The following TTC7B variants were observed in gnomAD, a reference collection of about 807,000 sequenced individuals.
TTC7B encodes tetratricopeptide repeat protein 7B.
In TTC7B, 28 loss-of-function variants were observed where a neutral mutation model predicts 106.8. The ratio of observed to expected loss-of-function variants is 0.26; its 90% CI spans 0.19 to 0.36. TTC7B has a LOEUF of 0.36. Among genes scored for constraint, TTC7B ranks in the 10% least tolerant of loss-of-function variants. The pLI, the probability that TTC7B is intolerant of heterozygous loss-of-function variation, is 1.00. For synonymous variants in TTC7B, 405 were observed against 430.6 expected, an observed-to-expected ratio of 0.94 and a Z score of 0.74; for missense variants, 862 against 1,076.4, an observed-to-expected ratio of 0.80 and a Z score of 2.79.
At chr14:90,612,960 A>C (rs1595206709) in intron 16 of TTC7B, among the ~76,000 whole-genome samples, 1 of 152,316 alleles carries the variant, frequency 6.6e-6, no homozygotes, top group Admixed American at 6.5e-5. Context: ...CACAGGATCC[A>C]CGTTCCCTCC....
At chr14:90,541,713 C>A (rs915103531) in intron 19 of TTC7B, 124 bp from the exon 20 acceptor site, 1 of 707,552 alleles carries the variant, frequency 1.4e-6, no homozygotes, top group Non-Finnish European at 2.2e-6. Flanking sequence ...TTGGGCTGGG[C>A]CCATAGTAAG....
chr14:90,627,158 A>AT (rs1223800341), intron 15 of TTC7B, among the ~76,000 whole-genome samples: 2 of 151,762 alleles, frequency 1.3e-5, no homozygotes, highest in South Asian at 4.2e-4. Context: ...ATTAAAAAAA[A>AT]TTTTTTAGTA....
chr14:90,589,594 C>T (rs1169056932), intron 18 of TTC7B, among the ~76,000 whole-genome samples: 1 of 152,054 alleles, frequency 6.6e-6, no homozygotes, highest in Non-Finnish European at 1.5e-5. Flanking sequence ...TCCGTGGGTG[C>T]AGAACCTGAG....
chr14:90,645,062 T>G (rs1431531224), intron 14 of TTC7B: 1 of 152,186 alleles, frequency 6.6e-6, no homozygotes, highest in East Asian at 1.9e-4. Flanking sequence ...AACCCGAAGC[T>G]AGATTTCGAA....
chr14:90,786,381 G>A, intron 1 of TTC7B, 53 bp from the exon 2 acceptor site: 1 of 1,600,762 alleles, frequency 6.2e-7, no homozygotes, highest in Non-Finnish European at 8.5e-7. Context: ...CTGCATGTAG[G>A]ACCCCCTCAC....
At chr14:90,680,226 T>C (rs12147666) in intron 8 of TTC7B, among the ~76,000 whole-genome samples, 19,808 of 152,226 alleles carry the variant, frequency 0.13, 1,616 homozygotes, top group Middle Eastern at 0.21. Flanking sequence ...TGAACTAAGA[T>C]ACGTGCTTCA....
chr14:90,622,973 T>C (rs370057333), intron 15 of TTC7B, among the ~76,000 whole-genome samples: 2 of 152,236 alleles, frequency 1.3e-5, no homozygotes, highest in South Asian at 4.1e-4. Context: ...GCTTCCCCCA[T>C]GTGTCACTCT....
At chr14:90,593,310 G>A (rs1892045644) in intron 18 of TTC7B, among the ~76,000 whole-genome samples, 176 bp downstream of exon 18, 1 of 152,234 alleles carries the variant, frequency 6.6e-6, no homozygotes, top group African/African-American at 2.4e-5. Context: ...AGTCACTTGC[G>A]GTTTGTGCAA....
chr14:90,578,009 G>T lies in TTC7B; in HGVS notation c.2310+97C>A. The stretch of plus-strand genomic sequence containing the variant: ...GGCAAGCTAACTGCATGGGGCCTTT[G>T]GAAGCAGAAGAGGGTGTGAGGGTCA... On this transcript the variant is annotated intron_variant, in intron 19 of 19. Transcript: ENST00000328459. The surrounding 1 kb of genome is among the most constrained non-coding windows in gnomAD (Gnocchi z 4.7). 1 of 1,421,074 alleles carries T rather than the reference G, an allele frequency of 7.0e-7. No homozygotes were observed. Among genetic ancestry groups the T allele is most frequent in the Non-Finnish European group, 9.6e-7 (1 of 1,045,322 alleles). The allele number at this position is 1,421,074 out of a possible 1,614,324, so 88.0% of individuals were successfully genotyped here. A position where few individuals can be genotyped will look rare whatever the true frequency, so the allele number is the denominator to read the frequency against.
chr14:90,743,572 C>A lies in TTC7B; in HGVS notation c.576+1220G>T, dbSNP rs1889849475. Among the ~76,000 whole-genome samples the A allele has an allele frequency of 2.0e-5, 3 of 152,274 alleles. 1 individual carries two copies. In the South Asian group the frequency reaches 6.2e-4, roughly 32 times the overall value. ...GGTACATCTCTGGGTCTGAAGGGGTCAATAGCAGTGTCCTTGGTGAGAACT... is the reference window on the plus strand; with the variant it reads ...GGTACATCTCTGGGTCTGAAGGGGTAAATAGCAGTGTCCTTGGTGAGAACT... On this transcript the variant is annotated intron_variant, in intron 4 of 19. Coordinates refer to ENST00000328459, the MANE Select transcript of TTC7B (RefSeq NM_001010854.2).
Position 90,786,251 on chromosome 14 carries a change from T to C in TTC7B, c.199A>G (p.Ser67Gly). ...LKEHPLRQGA[S>G]PRGPKPQLTE... ...AGCTGGGGCTTGGGGCCTCGGGGAC[T>C]GGCCCCCTGCCTCAGGGGGTGTTCC... Residue 67 changes from serine to glycine, a missense_variant, in exon 2 of 20, where the codon AGT (serine) becomes GGT (glycine). Ser to Gly is a moderately conservative substitution (Grantham distance 56). Transcript: ENST00000328459. 6 of 1,611,526 alleles carry C rather than the reference T, an allele frequency of 3.7e-6. No homozygotes were observed. Among genetic ancestry groups the C allele is most frequent in the Non-Finnish European group, 5.1e-6 (6 of 1,178,826 alleles).
intron 12 of TTC7B, 94 bp downstream of exon 12, chr14:90,654,899 C>G: frequency 9.8e-7 from 1 of 1,023,284 alleles, no homozygotes; most frequent in Admixed American, 1.9e-5. Flanking sequence ...TCTGCACCCT[C>G]CTGAGACAGA....
chr14:90,585,288 C>T (rs1891666348), intron 18 of TTC7B, among the ~76,000 whole-genome samples: 1 of 152,188 alleles, frequency 6.6e-6, no homozygotes, highest in South Asian at 2.1e-4. Context: ...GCAGGATGAG[C>T]TCCTCCTCCC....
intron 17 of TTC7B, chr14:90,605,786 T>C: frequency 8.3e-7 from 1 of 1,208,192 alleles, no homozygotes; most frequent in Non-Finnish European, 1.0e-6. Flanking sequence ...AAAAAAAGGG[T>C]GAAGGCAAAA....
chr14:90,777,698 G>A (rs1361999704), intron 3 of TTC7B, among the ~76,000 whole-genome samples: 2 of 152,172 alleles, frequency 1.3e-5, no homozygotes, highest in East Asian at 3.9e-4. Context: ...GGACCTTGGT[G>A]AAGAAAGAAG....
At chr14:90,778,590 C>CCA (rs10611473) in intron 3 of TTC7B, among the ~76,000 whole-genome samples, 33 of 150,892 alleles carry the variant, frequency 2.2e-4, no homozygotes, top group Middle Eastern at 6.9e-3. Context: ...CTGTTGCTGG[C>CCA]CACACACACA....
At chr14:90,669,914 A>C (rs1478789115) in intron 9 of TTC7B, among the ~76,000 whole-genome samples, 1 of 152,230 alleles carries the variant, frequency 6.6e-6, no homozygotes, top group Non-Finnish European at 1.5e-5. Context: ...ATGACCAAGC[A>C]ATTCCACTCC....
intron 4 of TTC7B, among the ~76,000 whole-genome samples, chr14:90,734,781 A>ATTATTTAT (rs377597866): frequency 6.6e-6 from 1 of 151,426 alleles, no homozygotes; most frequent in East Asian, 1.9e-4. Context: ...TATTTATTTT[A>ATTATTTAT]TTATTTATTT....
At chr14:90,678,340 G>A (rs539442566) in intron 8 of TTC7B, among the ~76,000 whole-genome samples, 13 of 152,236 alleles carry the variant, frequency 8.5e-5, no homozygotes, top group African/African-American at 3.1e-4. Flanking sequence ...GTGGAGAAGC[G>A]ACGGACAAAT....
Sources: gnomAD v4.1 joint callset for allele counts (sites outside exome capture counted in the v4.1 genomes callset) on GRCh38, gnomAD v4.1.1 for gene constraint, Gnocchi (gnomAD v3.1) non-coding constraint, MANE v1.5 for transcripts, NCBI Gene and HGNC (gene_info 2026-07-23, HGNC 2026-07-21) for gene names.